COPS6: variants seen among roughly 807,000 people sequenced by gnomAD.
COPS6 encodes COP9 signalosome subunit 6, also known as COP9 signalosome complex subunit 6.
COPS6 carries 9 observed loss-of-function variants against 41.0 expected under a neutral mutation model. The observed-to-expected ratio is 0.22, with a 90% confidence interval of 0.13 to 0.38. The LOEUF is 0.38. Among genes scored for constraint, COPS6 ranks in the 10% least tolerant of loss-of-function variants. The pLI, the probability that COPS6 is intolerant of heterozygous loss-of-function variation, is 1.00. For synonymous variants in COPS6, 179 were observed against 162.9 expected, an observed-to-expected ratio of 1.10 and a Z score of -0.75; for missense variants, 302 against 436.7, an observed-to-expected ratio of 0.69 and a Z score of 2.75.
In COPS6 at chr7:100,089,736, G is replaced by A. The variant is rs1489262059; in HGVS notation, c.324G>A (p.Lys108=). 6.2e-7 allele frequency: 1 copy of A among 1,613,868 alleles called. No homozygotes were observed. Among genetic ancestry groups the A allele is most frequent in the African/African-American group, 1.3e-5 (1 of 74,994 alleles). The change falls in exon 3 of 10, where the codon AAG becomes AAA. Residue 108 remains lysine (K), a synonymous_variant. Transcript: ENST00000303904. ...IIIDKEYYYT[K]EEQFKQVFKE... ...TTGACAAGGAATATTATTACACCAAGGAGGAGCAGTGTGAGAGTGGAATAG... is the reference window on the plus strand; with the variant it reads ...TTGACAAGGAATATTATTACACCAAAGAGGAGCAGTGTGAGAGTGGAATAG...
chr7:100,089,214 C>A, intron 1 of COPS6, 76 bp from the exon 2 acceptor site: 2 of 1,544,338 alleles, frequency 1.3e-6, no homozygotes, highest in South Asian at 2.4e-5. Flanking sequence ...CCGGGCTCCG[C>A]CGTCCCCCAC....
intron 2 of COPS6, 57 bp downstream of exon 2, chr7:100,089,472 G>C: frequency 6.2e-7 from 1 of 1,610,596 alleles, no homozygotes; most frequent in South Asian, 1.1e-5. Flanking sequence ...CCCAGGCAGT[G>C]GTCTTTTCCC....
Position 100,091,860 on chromosome 7 carries a change from T to C in COPS6, c.*71T>C, listed in dbSNP as rs1261986879. 1.9e-6 allele frequency: 3 copies of C among 1,592,570 alleles called. No individual in the cohort carries two copies. In the African/African-American group the frequency reaches 4.0e-5, roughly 21 times the overall value. On this transcript the variant is annotated 3_prime_UTR_variant, in exon 10 of 10. Coordinates refer to ENST00000303904, the MANE Select transcript of COPS6 (RefSeq NM_006833.5). This position sits in a 1 kb window ranked among gnomAD's most constrained non-coding sequence, Gnocchi z 4.1. ...CAAAGGGGAGGGCACTACACTTCCT[T>C]GAGAGAAACCGCTGTCATTAATAAA...
At chr7:100,090,718 C>T (rs1391401329) in intron 5 of COPS6, 64 bp downstream of exon 5, 11 of 1,534,512 alleles carry the variant, frequency 7.2e-6, no homozygotes, top group Non-Finnish European at 9.9e-6. Context: ...TGTGACACTC[C>T]TCTATTGGGG....
In COPS6 at chr7:100,091,816, A is replaced by C; in HGVS notation, c.*27A>C. 1 of 1,614,014 alleles carries C rather than the reference A, an allele frequency of 6.2e-7. No homozygotes were observed. The highest frequency in any genetic ancestry group is 8.5e-7 in the Non-Finnish European group (1 of 1,179,854). ...GAGGGTACTTGAAGGGCTGATGGACAGGGGTCAGGCAACTATCCCAAAGGG... is the reference window on the plus strand; with the variant it reads ...GAGGGTACTTGAAGGGCTGATGGACCGGGGTCAGGCAACTATCCCAAAGGG... On this transcript the variant is annotated 3_prime_UTR_variant, in exon 10 of 10. Transcript: ENST00000303904. This position sits in a 1 kb window ranked among gnomAD's most constrained non-coding sequence, Gnocchi z 4.1.
chr7:100,091,545 G>C lies in COPS6; in HGVS notation c.843+25G>C. 1 of 1,613,806 alleles carries C rather than the reference G, an allele frequency of 6.2e-7. No individual in the cohort carries two copies. Among genetic ancestry groups the C allele is most frequent in the Non-Finnish European group, 8.5e-7 (1 of 1,179,700 alleles). ...TGTGAGTGTAAAACCCGGATGGGGA[G>C]GCGGGGCTTATGCTGTCACTTTCAC... On this transcript the variant is annotated intron_variant, in intron 9 of 9. Coordinates refer to ENST00000303904, the MANE Select transcript of COPS6 (RefSeq NM_006833.5). This position sits in a 1 kb window ranked among gnomAD's most constrained non-coding sequence, Gnocchi z 4.1.
Position 100,089,286 on chromosome 7 carries a change from T to C in COPS6, c.77-4T>C. 1 of 1,613,780 alleles carries C rather than the reference T, an allele frequency of 6.2e-7. No homozygotes were observed. The highest frequency in any genetic ancestry group is 1.1e-5 in the South Asian group (1 of 91,064). On this transcript the variant is annotated splice_polypyrimidine_tract_variant and splice_region_variant and intron_variant, in intron 1 of 9. Transcript: ENST00000303904. ...CACCCTCTCTCCTTTCCCTCCACCC[T>C]TAGTAGTCCCCAGCGTGATGGCCTG...
At chr7:100,089,785 T>C in intron 3 of COPS6, 39 bp downstream of exon 3, 5 of 1,441,612 alleles carry the variant, frequency 3.5e-6, no homozygotes, top group Non-Finnish European at 4.7e-6. Context: ...GAGTGGGAGT[T>C]AAAAAAAAAA....
rs1282735195 is a variant in COPS6, at chr7:100,091,493, A to T, written c.816A>T (p.Thr272=). The part of the protein sequence containing the change: ...ALCHCLPVLS[T]DKFKTDFYDQ... ...GTCACTGTCTCCCGGTGCTCAGCAC[A>T]GACAAGTTCAAGACAGATTTTTATG... The change falls in exon 9 of 10, where the codon ACA becomes ACT. Residue 272 remains threonine (T), a synonymous_variant. Transcript: ENST00000303904. This position sits in a 1 kb window ranked among gnomAD's most constrained non-coding sequence, Gnocchi z 4.1. 10 of 1,614,114 alleles carry T rather than the reference A, an allele frequency of 6.2e-6. No individual in the cohort carries two copies. The South Asian group carries it at 9.9e-5, about 16-fold the overall frequency.
Position 100,091,829 on chromosome 7 carries a change from C to G in COPS6, c.*40C>G. On this transcript the variant is annotated 3_prime_UTR_variant, in exon 10 of 10. Coordinates refer to ENST00000303904, the MANE Select transcript of COPS6 (RefSeq NM_006833.5). The surrounding 1 kb of genome is among the most constrained non-coding windows in gnomAD (Gnocchi z 4.1). ...GGGCTGATGGACAGGGGTCAGGCAA[C>G]TATCCCAAAGGGGAGGGCACTACAC... 1 of 1,613,432 alleles carries G rather than the reference C, an allele frequency of 6.2e-7. No individual in the cohort carries two copies.
Position 100,090,627 on chromosome 7 carries a change from G to T in COPS6, c.459G>T (p.Lys153Asn). 1 of 1,614,134 alleles carries T rather than the reference G, an allele frequency of 6.2e-7. No individual in the cohort carries two copies. The highest frequency in any genetic ancestry group is 8.5e-7 in the Non-Finnish European group (1 of 1,180,014). Residue 153 changes from lysine (K) to asparagine (N), a missense_variant, in exon 5 of 10, where the codon AAG (lysine) becomes AAT (asparagine). Lys to Asn is a moderately conservative substitution (Grantham distance 94, BLOSUM62 0). This residue lies in a region of COPS6 where 222 missense variants were observed against 309.0 expected (regional missense o/e 0.72). Transcript: ENST00000303904. ...TCATCGAGAGCCCCCTCTTTCTGAA[G>T]TTGAACCCTATGACCAAGCACACAG... ...CEIIESPLFL[K>N]LNPMTKHTDL... is the part of the protein sequence containing the mutation.
At chr7:100,090,186 A>G in intron 3 of COPS6, 1 of 556,474 alleles carries the variant, frequency 1.8e-6, no homozygotes, top group Non-Finnish European at 3.2e-6. Context: ...CACCTCTACT[A>G]AAAATACAAA....
intron 3 of COPS6, chr7:100,090,033 A>G (rs1795288570): frequency 2.3e-6 from 1 of 443,452 alleles, no homozygotes; most frequent in African/African-American, 2.0e-5. Flanking sequence ...GGAGCTTCAC[A>G]TTGAGGAAGG....
Position 100,091,077 on chromosome 7 carries a change from A to C in COPS6, c.574A>C (p.Thr192Pro). 1 of 1,614,246 alleles carries C rather than the reference A, an allele frequency of 6.2e-7. No homozygotes were observed. Among genetic ancestry groups the C allele is most frequent in the Non-Finnish European group, 8.5e-7 (1 of 1,180,048 alleles). ...TGCTGAGCTGACCTACACTCTGGCC[A>C]CAGAGGAAGCGGAACGCATTGGTGT... The part of the protein sequence containing the change: ...LFAELTYTLA[T>P]EEAERIGVDH... The change falls in exon 7 of 10, where the codon ACA (threonine) becomes CCA (proline). Residue 192 changes from threonine (T) to proline (P), a missense_variant. By Grantham distance (38) the Thr-to-Pro change is conservative. Coordinates refer to ENST00000303904, the MANE Select transcript of COPS6 (RefSeq NM_006833.5). The surrounding 1 kb of genome is among the most constrained non-coding windows in gnomAD (Gnocchi z 4.1).
chr7:100,088,971 G>A lies in COPS6; in HGVS notation c.-20G>A. On this transcript the variant is annotated 5_prime_UTR_variant, in exon 1 of 10. Transcript: ENST00000303904. ...CCGGGAAGGAAGGGGGCGGGGCCGA[G>A]GCTGGCGGGCGCGGGGAAAATGGCG... is the stretch of plus-strand genomic sequence containing the variant. 2 of 1,321,082 alleles carry A rather than the reference G, an allele frequency of 1.5e-6. No homozygotes were observed. The highest frequency in any genetic ancestry group is 3.1e-5 in the East Asian group (1 of 32,342). 81.8% of individuals were successfully genotyped at this position (1,321,082 alleles called of 1,614,324 possible).
rs1795333604 is a variant in COPS6 at position 100,091,930 on chromosome 7, G to T, written c.*141G>T. The T allele has an allele frequency of 9.6e-7, 1 of 1,041,596 alleles. No individual in the cohort carries two copies. The highest frequency in any genetic ancestry group is 1.4e-6 in the Non-Finnish European group (1 of 718,560). The allele number at this position is 1,041,596 out of a possible 1,614,324, so 64.5% of individuals were successfully genotyped here. The stretch of plus-strand genomic sequence containing the variant: ...ACCCCTGCTGGTGGCTCTGTCCTCT[G>T]TTAGGCACCACACTGGTTGGTCAAC... On this transcript the variant is annotated 3_prime_UTR_variant, in exon 10 of 10. Coordinates refer to ENST00000303904, the MANE Select transcript of COPS6 (RefSeq NM_006833.5). This position sits in a 1 kb window ranked among gnomAD's most constrained non-coding sequence, Gnocchi z 4.1.
chr7:100,090,184 C>G (rs922201970), intron 3 of COPS6: 12 of 555,316 alleles, frequency 2.2e-5, no homozygotes, highest in Admixed American at 6.2e-5. Flanking sequence ...CCCACCTCTA[C>G]TAAAAATACA....
intron 3 of COPS6, chr7:100,089,958 G>T: frequency 1.9e-6 from 1 of 525,172 alleles, no homozygotes; most frequent in Middle Eastern, 5.2e-4. Context: ...GGATAGAAGG[G>T]AGTAGTTATT....
rs1562888414 is a variant in COPS6 at position 100,089,926 on chromosome 7, A to ACGTTC, written c.334+180_334+181insCGTTC. ...ACGTTCAGAGTTCTTTCTCAAAAGA[A>ACGTTC]AGCAAAGGATGAGAGGAGACAGGAT... On this transcript the variant is annotated intron_variant, in intron 3 of 9. Transcript: ENST00000303904. 6.6e-6 allele frequency: 4 copies of ACGTTC among 607,222 alleles called. No homozygotes were observed. In the East Asian group the frequency reaches 1.2e-4, roughly 18 times the overall value. 37.6% of individuals were successfully genotyped at this position (607,222 alleles called of 1,614,324 possible).
Sources: allele counts gnomAD v4.1 joint callset, GRCh38; gene constraint gnomAD v4.1.1; regional missense constraint gnomAD v4.1.1; non-coding constraint Gnocchi (gnomAD v3.1); transcripts MANE v1.5; gene names NCBI Gene and HGNC (gene_info 2026-07-23, HGNC 2026-07-21).